KAZN: variants seen among roughly 807,000 people sequenced by gnomAD.
The protein encoded by KAZN is kazrin, periplakin interacting protein, also known as kazrin.
In KAZN, 40 loss-of-function variants were observed where a neutral mutation model predicts 87.4. That is an observed-to-expected ratio of 0.46 (90% CI 0.36 to 0.60). The LOEUF (loss-of-function observed/expected upper bound fraction) is 0.60. KAZN is among the 20% of genes least tolerant of loss of function. KAZN has a pLI of 0.00. For missense variants in KAZN, 898 were observed against 1,073.9 expected (o/e 0.84, Z 2.29); for synonymous variants, 466 against 458.3 (o/e 1.02, Z -0.22).
At chr1:14,117,351 C>G (rs770582436) in intron 1 of KAZN, among the ~76,000 whole-genome samples, 2 of 152,110 alleles carry the variant, frequency 1.3e-5, no homozygotes, top group Non-Finnish European at 2.9e-5. Context: ...CTCATGGGAA[C>G]TGATGATTTT....
chr1:15,073,386 CTG>C (rs1352825305), intron 8 of KAZN, among the ~76,000 whole-genome samples: 4 of 152,174 alleles, frequency 2.6e-5, no homozygotes, highest in Admixed American at 1.3e-4. Flanking sequence ...GGGGCAGAGA[CTG>C]AGGGTGGCAG....
At chr1:14,849,254 G>T (rs183713065) in intron 1 of KAZN, among the ~76,000 whole-genome samples, 1 of 152,152 alleles carries the variant, frequency 6.6e-6, no homozygotes, top group East Asian at 1.9e-4. Context: ...AACCAGAGTC[G>T]CAGGGTCACT....
At chr1:15,069,695 T>C (rs140307967) in intron 8 of KAZN, among the ~76,000 whole-genome samples, 97 of 152,204 alleles carry the variant, frequency 6.4e-4, no homozygotes, top group Non-Finnish European at 1.2e-3. Context: ...CAACTTCAAA[T>C]GGTACCTATT....
chr1:14,345,699 G>C (rs984215735), intron 2 of KAZN, among the ~76,000 whole-genome samples: 1 of 152,142 alleles, frequency 6.6e-6, no homozygotes, highest in Non-Finnish European at 1.5e-5. Context: ...ATGTCCTTCA[G>C]TAAACATTTG....
intron 2 of KAZN, among the ~76,000 whole-genome samples, chr1:14,976,086 G>A (rs926906057): frequency 6.1e-5 from 8 of 131,818 alleles, no homozygotes; most frequent in African/African-American, 2.1e-4. Context: ...TCAGACCTGC[G>A]CGGTGAGCCC....
intron 10 of KAZN, among the ~76,000 whole-genome samples, chr1:15,098,911 C>A (rs952071025): frequency 6.6e-6 from 1 of 152,222 alleles, no homozygotes; most frequent in Non-Finnish European, 1.5e-5. Flanking sequence ...TAAGCCACAC[C>A]CCACCCTGCC....
At chr1:14,743,429 C>CAAA (rs34732365) in intron 1 of KAZN, among the ~76,000 whole-genome samples, 1 of 135,518 alleles carries the variant, frequency 7.4e-6, no homozygotes, top group Non-Finnish European at 1.6e-5. Flanking sequence ...GACTCTGTCT[C>CAAA]AAAAAAAAAA....
Position 14,251,643 on chromosome 1 carries a change from C to CTT in KAZN, c.249+71075_249+71076dup, listed in dbSNP as rs549092023. On this transcript the variant is annotated intron_variant, in intron 2 of 16. Transcript: ENST00000636203. The stretch of plus-strand genomic sequence containing the variant: ...AGGCACAGTGAAAAGTTCTCCCGGA[C>CTT]TTTTTTTTTTTTTTTTTTTTTTTTT... 5.0e-3 allele frequency among the ~76,000 whole-genome samples: 451 copies of CTT among 90,326 alleles called. 50 individuals carry two copies. Among genetic ancestry groups the CTT allele is most frequent in the African/African-American group, 0.021 (362 of 17,078 alleles). 59.3% of individuals were successfully genotyped at this position (90,326 alleles called of 152,430 possible).
At chr1:14,483,331 G>C (rs182969853) in intron 2 of KAZN, among the ~76,000 whole-genome samples, 30 of 152,264 alleles carry the variant, frequency 2.0e-4, no homozygotes, top group Admixed American at 1.8e-3. Flanking sequence ...GTGCGTCAGA[G>C]GGGAGCAAAA....
chr1:14,357,235 G>A (rs1000696164), intron 2 of KAZN, among the ~76,000 whole-genome samples: 1 of 152,090 alleles, frequency 6.6e-6, no homozygotes, highest in Admixed American at 6.5e-5. Context: ...TCTGTTATTG[G>A]TGTATAGGAA....
chr1:14,471,547 G>C (rs1233170930), intron 2 of KAZN, among the ~76,000 whole-genome samples: 2 of 152,110 alleles, frequency 1.3e-5, no homozygotes, highest in Non-Finnish European at 2.9e-5. Context: ...ACGTTGAGTA[G>C]AGGCGTGACA....
chr1:14,244,806 G>C lies in KAZN; in HGVS notation c.249+64214G>C, dbSNP rs530733512. 4.5e-4 allele frequency among the ~76,000 whole-genome samples: 69 copies of C among 152,190 alleles called. 1 individual carries two copies. Among genetic ancestry groups the C allele is most frequent in the African/African-American group, 1.6e-3 (68 of 41,510 alleles). The stretch of plus-strand genomic sequence containing the variant: ...TTGGTCAGGGTGAGCAGGTGGGTAG[G>C]GGGTGTTGACAGAGAAAGCGTGTGC... On this transcript the variant is annotated intron_variant, in intron 2 of 16. Coordinates refer to the KAZN transcript ENST00000636203.
chr1:14,527,377 C>T (rs1275667989), intron 2 of KAZN, among the ~76,000 whole-genome samples: 5 of 151,972 alleles, frequency 3.3e-5, no homozygotes, highest in Non-Finnish European at 5.9e-5. Context: ...GGTGAAACCC[C>T]GTCTCTACTA....
chr1:14,070,663 G>T (rs1643213301), intron 1 of KAZN, among the ~76,000 whole-genome samples: 1 of 152,202 alleles, frequency 6.6e-6, no homozygotes, highest in Non-Finnish European at 1.5e-5. Flanking sequence ...ATGTGTGCTA[G>T]TTCAAAAGGT....
At chr1:14,730,304 G>A (rs910902717) in intron 1 of KAZN, among the ~76,000 whole-genome samples, 1 of 152,088 alleles carries the variant, frequency 6.6e-6, no homozygotes, top group Non-Finnish European at 1.5e-5. Context: ...GGCTGGTCTC[G>A]AACTCCTGAC....
intron 1 of KAZN, among the ~76,000 whole-genome samples, chr1:14,615,196 G>A (rs181586675): frequency 2.0e-5 from 3 of 152,274 alleles, no homozygotes; most frequent in East Asian, 3.9e-4. Context: ...TGTGATGAGC[G>A]CCCAGGATAC....
At chr1:13,922,108 TG>T (rs1325989919) in intron 1 of KAZN, among the ~76,000 whole-genome samples, 1 of 152,150 alleles carries the variant, frequency 6.6e-6, no homozygotes, top group African/African-American at 2.4e-5. Flanking sequence ...TGGGAAAGTA[TG>T]GGGTTTAGAA....
intron 2 of KAZN, among the ~76,000 whole-genome samples, chr1:14,359,840 C>T (rs1462632511): frequency 6.6e-6 from 1 of 152,174 alleles, no homozygotes; most frequent in Non-Finnish European, 1.5e-5. Context: ...TGTGGGTAAC[C>T]TGATCTTTCT....
chr1:14,359,938 A>G (rs899859192), intron 2 of KAZN, among the ~76,000 whole-genome samples: 3 of 152,130 alleles, frequency 2.0e-5, no homozygotes, highest in Admixed American at 6.5e-5. Context: ...CTCAAGGAGT[A>G]TCTTTGTGGT....
Sources: gnomAD v4.1 joint callset for allele counts (sites outside exome capture counted in the v4.1 genomes callset) on GRCh38, gnomAD v4.1.1 for gene constraint, MANE v1.5 for transcripts, NCBI Gene and HGNC (gene_info 2026-07-23, HGNC 2026-07-21) for gene names.